The following GALNTL6 variants were observed in gnomAD, a reference collection of about 807,000 sequenced individuals.
GALNTL6 encodes polypeptide N-acetylgalactosaminyltransferase-like 6.
GALNTL6 carries 46 observed loss-of-function variants against 73.7 expected under a neutral mutation model. The observed-to-expected ratio is 0.62, with a 90% CI of 0.49 to 0.80. The LOEUF (loss-of-function observed/expected upper bound fraction) is 0.80. Among genes scored for constraint, GALNTL6 ranks in the 30% least tolerant of loss-of-function variants. GALNTL6 has a pLI of 0.00. For synonymous variants in GALNTL6, 259 were observed against 263.7 expected (o/e 0.98, Z 0.17); for missense variants, 604 against 755.0 (o/e 0.80, Z 2.34).
At chr4:172,496,769 G>T (rs2110763584) in intron 5 of GALNTL6, among the ~76,000 whole-genome samples, 1 of 152,254 alleles carries the variant, frequency 6.6e-6, no homozygotes, top group Non-Finnish European at 1.5e-5. Context: ...AGCGATACTG[G>T]TGAACTCTTA....
At chr4:172,043,827 A>C (rs564688829) in intron 2 of GALNTL6, among the ~76,000 whole-genome samples, 191 of 152,210 alleles carry the variant, frequency 1.3e-3, no homozygotes, top group African/African-American at 4.5e-3. Context: ...AGCCATGATT[A>C]CAAGCAGGCC....
intron 2 of GALNTL6, among the ~76,000 whole-genome samples, chr4:171,831,845 A>C (rs1182519981): frequency 6.6e-6 from 1 of 151,722 alleles, no homozygotes; most frequent in African/African-American, 2.4e-5. Flanking sequence ...TACCTAACAA[A>C]AATATGTCCT....
intron 5 of GALNTL6, among the ~76,000 whole-genome samples, chr4:172,534,615 T>C (rs113404076): frequency 0.021 from 3,215 of 152,148 alleles, 56 homozygotes; most frequent in Non-Finnish European, 0.031. Flanking sequence ...ATTGCCTAGG[T>C]TGGAGTTCAG....
chr4:172,207,115 C>T (rs1403944084), intron 2 of GALNTL6, among the ~76,000 whole-genome samples: 20 of 151,928 alleles, frequency 1.3e-4, no homozygotes, highest in Non-Finnish European at 5.9e-5. Flanking sequence ...CTGGCCGAAA[C>T]GTGTTTTAAT....
chr4:172,807,158 C>T (rs1741011054), intron 5 of GALNTL6, among the ~76,000 whole-genome samples: 1 of 152,142 alleles, frequency 6.6e-6, no homozygotes, highest in Non-Finnish European at 1.5e-5. Flanking sequence ...GCAGCTTGCA[C>T]ACAGTGGAGA....
At chr4:172,734,082 A>C (rs1736309297) in intron 5 of GALNTL6, among the ~76,000 whole-genome samples, 1 of 152,206 alleles carries the variant, frequency 6.6e-6, no homozygotes, top group Non-Finnish European at 1.5e-5. Flanking sequence ...TGGGAACTGG[A>C]GTAAAGGTCA....
chr4:172,165,544 C>G (rs1048806565), intron 2 of GALNTL6, among the ~76,000 whole-genome samples: 1 of 152,066 alleles, frequency 6.6e-6, no homozygotes, highest in African/African-American at 2.4e-5. Flanking sequence ...GTTAAAAATG[C>G]AAATATATTT....
chr4:172,764,272 T>C (rs1173201265), intron 5 of GALNTL6, among the ~76,000 whole-genome samples: 1 of 152,200 alleles, frequency 6.6e-6, no homozygotes, highest in Non-Finnish European at 1.5e-5. Context: ...TATTTTTTTC[T>C]AACAAATTGA....
intron 4 of GALNTL6, among the ~76,000 whole-genome samples, chr4:172,319,724 T>C (rs1740690093): frequency 6.6e-6 from 1 of 152,166 alleles, no homozygotes; most frequent in Non-Finnish European, 1.5e-5. Flanking sequence ...GATGAGTTTA[T>C]AAATAAGTCA....
chr4:172,519,589 A>G (rs1734712793), intron 5 of GALNTL6, among the ~76,000 whole-genome samples: 1 of 150,692 alleles, frequency 6.6e-6, no homozygotes, highest in African/African-American at 2.4e-5. Context: ...GGTTTCTTCC[A>G]CTGACAAAGA....
chr4:172,331,044 T>A (rs1009370743), intron 4 of GALNTL6, among the ~76,000 whole-genome samples: 1 of 152,098 alleles, frequency 6.6e-6, no homozygotes, highest in Non-Finnish European at 1.5e-5. Context: ...TTTTTCATTA[T>A]CTTCTTGAAC....
intron 2 of GALNTL6, among the ~76,000 whole-genome samples, chr4:172,138,229 A>G (rs746889245): frequency 1.3e-5 from 2 of 151,618 alleles, no homozygotes; most frequent in Admixed American, 6.6e-5. Context: ...GCTAAATGAT[A>G]GACTATACAG....
intron 5 of GALNTL6, among the ~76,000 whole-genome samples, chr4:172,760,038 T>G (rs922048552): frequency 6.6e-6 from 1 of 150,822 alleles, no homozygotes; most frequent in East Asian, 2.0e-4. Context: ...GGGTTTCACC[T>G]TGTTAGCCAG....
intron 3 of GALNTL6, among the ~76,000 whole-genome samples, chr4:172,237,287 C>A (rs1287720797): frequency 6.6e-6 from 1 of 152,152 alleles, no homozygotes; most frequent in African/African-American, 2.4e-5. Flanking sequence ...TGGGTAATCT[C>A]CAAAATTCCA....
At chr4:172,008,602 T>C (rs977146863) in intron 2 of GALNTL6, among the ~76,000 whole-genome samples, 1 of 152,114 alleles carries the variant, frequency 6.6e-6, no homozygotes, top group East Asian at 1.9e-4. Flanking sequence ...TAGGGGAGAA[T>C]CGTGTATCAA....
At chr4:172,830,191 T>C (rs553925248) in intron 7 of GALNTL6, among the ~76,000 whole-genome samples, 1 of 152,338 alleles carries the variant, frequency 6.6e-6, no homozygotes, top group East Asian at 1.9e-4. Context: ...GTTTTATACT[T>C]TTGACATGGC....
chr4:172,792,332 T>A (rs1485686520), intron 5 of GALNTL6, among the ~76,000 whole-genome samples: 1 of 50,504 alleles, frequency 2.0e-5, no homozygotes, highest in Admixed American at 2.5e-4. Context: ...TATGCATATA[T>A]GTATATATAT....
intron 5 of GALNTL6, among the ~76,000 whole-genome samples, chr4:172,438,271 C>T (rs929158307): frequency 6.6e-6 from 1 of 152,062 alleles, no homozygotes; most frequent in South Asian, 2.1e-4. Context: ...CACTCACCTT[C>T]AGGCAATCAT....
At chr4:172,608,736 G>A (rs533047660) in intron 5 of GALNTL6, among the ~76,000 whole-genome samples, 22 of 152,000 alleles carry the variant, frequency 1.4e-4, no homozygotes, top group Non-Finnish European at 2.8e-4. Flanking sequence ...GGGCCTTGAG[G>A]CCATTTTAAT....
Sources: allele counts gnomAD v4.1 joint callset (sites outside exome capture counted in the v4.1 genomes callset), GRCh38; gene constraint gnomAD v4.1.1; transcripts MANE v1.5; gene names NCBI Gene and HGNC (gene_info 2026-07-23, HGNC 2026-07-21).